The following CSMD1 variants were observed in gnomAD, a reference collection of about 807,000 sequenced individuals.
The protein encoded by CSMD1 is CUB and sushi domain-containing protein 1.
In CSMD1, 213 loss-of-function variants were observed where a neutral mutation model predicts 417.5. The observed-to-expected ratio is 0.51, with a 90% CI of 0.46 to 0.57. The LOEUF (loss-of-function observed/expected upper bound fraction) is 0.57, where lower values mean the gene tolerates loss of function less well. Among genes scored for constraint, CSMD1 ranks in the 20% least tolerant of loss-of-function variants. CSMD1 has a pLI of 0.00. For missense variants in CSMD1, 6,923 were observed against 4,529.7 expected (o/e 1.53, Z -15.17); for synonymous variants, 2,862 against 1,736.8 (o/e 1.65, Z -16.11).
chr8:4,953,639 C>T (rs982414519), intron 1 of CSMD1, among the ~76,000 whole-genome samples: 2 of 152,074 alleles, frequency 1.3e-5, no homozygotes, highest in African/African-American at 4.8e-5. Flanking sequence ...TAGAAATACA[C>T]AGAAGCAGTC....
At chr8:4,723,644 C>T (rs995215690) in intron 1 of CSMD1, among the ~76,000 whole-genome samples, 1 of 152,042 alleles carries the variant, frequency 6.6e-6, no homozygotes, top group African/African-American at 2.4e-5. Context: ...AGCTAATGAC[C>T]TTACATATGT....
intron 2 of CSMD1, among the ~76,000 whole-genome samples, chr8:4,552,760 T>A (rs1032782974): frequency 1.3e-5 from 2 of 152,184 alleles, no homozygotes; most frequent in Non-Finnish European, 2.9e-5. Context: ...GTTTGAACAG[T>A]CATCTCAGAA....
intron 3 of CSMD1, among the ~76,000 whole-genome samples, chr8:4,413,747 A>G (rs1292273710): frequency 6.6e-6 from 1 of 152,028 alleles, no homozygotes; most frequent in Non-Finnish European, 1.5e-5. Context: ...TAGTGTTCAA[A>G]ACCCCTGCAA....
intron 3 of CSMD1, among the ~76,000 whole-genome samples, chr8:4,200,389 G>A (rs891847699): frequency 3.9e-5 from 6 of 152,008 alleles, no homozygotes; most frequent in Non-Finnish European, 8.8e-5. Flanking sequence ...ACTTTAAAAA[G>A]CAGAAAAAAA....
At chr8:4,023,134 T>G (rs1417962020) in intron 4 of CSMD1, among the ~76,000 whole-genome samples, 1 of 152,160 alleles carries the variant, frequency 6.6e-6, no homozygotes, top group Non-Finnish European at 1.5e-5. Context: ...CACTCTAATG[T>G]GTGGAGGAAC....
At chr8:4,711,796 A>C (rs976705388) in intron 1 of CSMD1, among the ~76,000 whole-genome samples, 1 of 152,118 alleles carries the variant, frequency 6.6e-6, no homozygotes, top group Non-Finnish European at 1.5e-5. Flanking sequence ...AATTTTCCTC[A>C]CAGGAGCCTT....
chr8:4,953,642 A>T (rs1808893079), intron 1 of CSMD1, among the ~76,000 whole-genome samples: 1 of 152,174 alleles, frequency 6.6e-6, no homozygotes, highest in South Asian at 2.1e-4. Context: ...AAATACACAG[A>T]AGCAGTCAGA....
intron 2 of CSMD1, among the ~76,000 whole-genome samples, chr8:4,599,133 G>A (rs720005): frequency 0.18 from 27,957 of 152,038 alleles, 3,210 homozygotes; most frequent in South Asian, 0.3. Flanking sequence ...CCAGACTAAG[G>A]TATTAAAAAA....
intron 5 of CSMD1, among the ~76,000 whole-genome samples, chr8:3,890,312 T>C (rs937595300): frequency 1.4e-4 from 21 of 152,144 alleles, no homozygotes; most frequent in Non-Finnish European, 3.1e-4. Context: ...TTAATATTAA[T>C]GGAGAATTGC....
At chr8:4,148,979 T>C (rs1182789728) in intron 3 of CSMD1, among the ~76,000 whole-genome samples, 1 of 151,882 alleles carries the variant, frequency 6.6e-6, no homozygotes, top group African/African-American at 2.4e-5. Flanking sequence ...TTTTTTTTTT[T>C]TGAGATGGAG....
At chr8:3,835,045 G>A (rs184347332) in intron 5 of CSMD1, among the ~76,000 whole-genome samples, 4 of 151,840 alleles carry the variant, frequency 2.6e-5, no homozygotes, top group African/African-American at 7.3e-5. Flanking sequence ...TTAGAATGGC[G>A]ATCATTAAAA....
intron 1 of CSMD1, among the ~76,000 whole-genome samples, chr8:4,774,383 G>C (rs17419398): frequency 0.32 from 49,297 of 151,912 alleles, 8,652 homozygotes; most frequent in Admixed American, 0.46. Context: ...AAGCATTCTT[G>C]AATCCCACCT....
chr8:3,385,360 T>C (rs1042192305), intron 18 of CSMD1, among the ~76,000 whole-genome samples: 14 of 151,278 alleles, frequency 9.3e-5, no homozygotes, highest in African/African-American at 3.4e-4. Context: ...TGTTTTACCC[T>C]ACATGTTTTT....
intron 52 of CSMD1, among the ~76,000 whole-genome samples, chr8:3,012,283 T>C (rs1424105041): frequency 1.3e-5 from 2 of 152,224 alleles, no homozygotes; most frequent in Non-Finnish European, 2.9e-5. Flanking sequence ...TTCTTGAATA[T>C]TAGGTGTAGA....
rs556976593 is a variant in CSMD1, at chr8:3,721,251, T to C, written c.932-12760A>G. Among the ~76,000 whole-genome samples the C allele has an allele frequency of 2.0e-5, 3 of 152,320 alleles. No homozygotes were observed. The East Asian group carries it at 5.8e-4, about 29-fold the overall frequency. ...AACTCCTAAATCCAATCATTTTTTT[T>C]CCTTTTATAAGCAGCAATGCCCCTC... On this transcript the variant is annotated intron_variant, in intron 6 of 69. Coordinates refer to ENST00000635120, the MANE Select transcript of CSMD1 (RefSeq NM_033225.6).
rs73660832 is a variant in CSMD1, at chr8:4,445,270, G to A, written c.303-25205C>T. 7.1e-3 allele frequency among the ~76,000 whole-genome samples: 1,075 copies of A among 152,034 alleles called. 13 individuals are homozygous for A. The highest frequency in any genetic ancestry group is 0.025 in the African/African-American group (1,025 of 41,446). ...TTCTCTTTCTAGCCATATGTTCTCT[G>A]TCATTACCTATGACATTCCGTTAGT... On this transcript the variant is annotated intron_variant, in intron 2 of 69. Coordinates refer to ENST00000635120, the MANE Select transcript of CSMD1 (RefSeq NM_033225.6).
At chr8:4,837,367 T>C (rs1266609864) in intron 1 of CSMD1, among the ~76,000 whole-genome samples, 1 of 152,094 alleles carries the variant, frequency 6.6e-6, no homozygotes, top group African/African-American at 2.4e-5. Context: ...CAACAGATGA[T>C]AAAGAAAATG....
chr8:3,818,128 G>A (rs182379523), intron 5 of CSMD1, among the ~76,000 whole-genome samples: 1 of 152,076 alleles, frequency 6.6e-6, no homozygotes, highest in Admixed American at 6.6e-5. Context: ...AGGACCCAAA[G>A]AGAGTTTCAG....
chr8:3,763,451 T>C (rs1798116208), intron 5 of CSMD1, among the ~76,000 whole-genome samples: 1 of 151,654 alleles, frequency 6.6e-6, no homozygotes, highest in East Asian at 1.9e-4. Context: ...AGCCTAGCAC[T>C]CCCCCCTCTC....
Sources: gnomAD v4.1 joint callset for allele counts (sites outside exome capture counted in the v4.1 genomes callset) on GRCh38, gnomAD v4.1.1 for gene constraint, MANE v1.5 for transcripts, NCBI Gene and HGNC (gene_info 2026-07-23, HGNC 2026-07-21) for gene names.